Variants in GLB1 observed in about 807,000 individuals in gnomAD.
The protein encoded by GLB1 is beta-galactosidase.
GLB1 carries 56 observed loss-of-function variants against 74.0 expected under a neutral mutation model. The observed-to-expected ratio is 0.76, with a 90% CI of 0.61 to 0.94. The LOEUF is 0.94. Among genes scored for constraint, GLB1 ranks in the 40% least tolerant of loss-of-function variants. The pLI is 0.00. For synonymous variants in GLB1, 323 were observed against 323.6 expected, an observed-to-expected ratio of 1.00 and a Z score of 0.02; for missense variants, 787 against 845.5, an observed-to-expected ratio of 0.93 and a Z score of 0.86.
intron 1 of GLB1, among the ~76,000 whole-genome samples, chr3:33,075,185 T>C (rs1446539688): frequency 2.0e-5 from 3 of 152,152 alleles, no homozygotes; most frequent in African/African-American, 7.2e-5. Context: ...TGGCTAAGTG[T>C]CAAATAAGTG....
intron 5 of GLB1, among the ~76,000 whole-genome samples, chr3:33,064,589 C>A (rs1268639561): frequency 6.6e-6 from 1 of 151,638 alleles, no homozygotes; most frequent in Non-Finnish European, 1.5e-5. Flanking sequence ...CCAGCCTGGC[C>A]AACATGGCGA....
chr3:33,014,473 A>C (rs1426403489), intron 14 of GLB1, among the ~76,000 whole-genome samples, 163 bp from the exon 15 acceptor site: 1 of 152,224 alleles, frequency 6.6e-6, no homozygotes, highest in African/African-American at 2.4e-5. Context: ...ATCTAACTGG[A>C]GGTTGAATTA....
chr3:33,017,070 C>T (rs889279639), intron 13 of GLB1, among the ~76,000 whole-genome samples: 4 of 152,208 alleles, frequency 2.6e-5, no homozygotes, highest in African/African-American at 7.2e-5. Flanking sequence ...GAGCATGGAA[C>T]GGTCTAAGCT....
the GLB1 span, among the ~76,000 whole-genome samples, chr3:32,973,927 G>A: frequency 6.6e-6 from 1 of 152,166 alleles, no homozygotes; most frequent in African/African-American, 2.4e-5. Flanking sequence ...AGCAGCAGCT[G>A]CCAGGAGCTC....
intron 5 of GLB1, among the ~76,000 whole-genome samples, chr3:33,062,922 GC>G (rs1314123843): frequency 1.3e-5 from 2 of 152,320 alleles, no homozygotes; most frequent in East Asian, 3.9e-4. Context: ...TGCATGATGT[GC>G]CCTCATGGCT....
At chr3:33,049,661 G>A (rs780304831) in intron 9 of GLB1, among the ~76,000 whole-genome samples, 1 of 151,860 alleles carries the variant, frequency 6.6e-6, no homozygotes, top group East Asian at 1.9e-4. Flanking sequence ...CGTGATCCAC[G>A]CACCTCAGCC....
intron 10 of GLB1, chr3:33,034,133 G>A (rs1698172807): frequency 4.8e-6 from 3 of 621,548 alleles, no homozygotes; most frequent in Admixed American, 4.2e-5. Context: ...AGAGGAAAAC[G>A]GCACCTGGGA....
intron 1 of GLB1, among the ~76,000 whole-genome samples, chr3:33,086,012 A>G (rs1340697415): frequency 6.6e-6 from 1 of 152,024 alleles, no homozygotes; most frequent in Non-Finnish European, 1.5e-5. Flanking sequence ...CAGGAAATTG[A>G]GAGTGCAGTG....
intron 15 of GLB1, among the ~76,000 whole-genome samples, chr3:33,003,469 T>A (rs937983507): frequency 2.3e-4 from 35 of 152,360 alleles, no homozygotes; most frequent in African/African-American, 8.2e-4. Flanking sequence ...TTTACAAAAG[T>A]TCTAACAAGT....
At chr3:33,031,496 T>C (rs1397504908) in intron 10 of GLB1, among the ~76,000 whole-genome samples, 1 of 149,412 alleles carries the variant, frequency 6.7e-6, no homozygotes, top group Non-Finnish European at 1.5e-5. Flanking sequence ...ATACAAAAAT[T>C]AGCCACGTGC....
At chr3:33,095,904 C>A (rs1701005180) in intron 1 of GLB1, among the ~76,000 whole-genome samples, 1 of 152,216 alleles carries the variant, frequency 6.6e-6, no homozygotes, top group South Asian at 2.1e-4. Context: ...AGGGGAACCA[C>A]AGACGGGGTG....
Position 33,093,139 on chromosome 3 carries a change from T to C in GLB1, c.75+3872A>G. 6.2e-7 allele frequency: 1 copy of C among 1,614,174 alleles called. No individual in the cohort carries two copies. The highest frequency in any genetic ancestry group is 8.5e-7 in the Non-Finnish European group (1 of 1,180,022). On this transcript the variant is annotated intron_variant, in intron 1 of 15. Coordinates refer to ENST00000307363, the MANE Select transcript of GLB1 (RefSeq NM_000404.4). This position sits in a 1 kb window ranked among gnomAD's most constrained non-coding sequence, Gnocchi z 6.0. ...TCTGGGCTGCAGCCCTCCAGGGCCTTGTCAAGATCCATGCCATGGCCAGAG... is the reference window on the plus strand; with the variant it reads ...TCTGGGCTGCAGCCCTCCAGGGCCTCGTCAAGATCCATGCCATGGCCAGAG...
At chr3:33,007,029 G>C (rs1291573452) in intron 15 of GLB1, among the ~76,000 whole-genome samples, 2 of 152,182 alleles carry the variant, frequency 1.3e-5, no homozygotes, top group Non-Finnish European at 1.5e-5. Flanking sequence ...GGATCTGCCT[G>C]TTCTGAGGTG....
At chr3:33,061,219 T>C (rs890433261) in intron 5 of GLB1, among the ~76,000 whole-genome samples, 5 of 152,128 alleles carry the variant, frequency 3.3e-5, no homozygotes, top group Non-Finnish European at 7.3e-5. Flanking sequence ...GAAACCAGCC[T>C]GGCCAACATG....
At chr3:33,090,188 T>C (rs1700687433) in intron 1 of GLB1, among the ~76,000 whole-genome samples, 2 of 152,330 alleles carry the variant, frequency 1.3e-5, no homozygotes, top group African/African-American at 4.8e-5. Context: ...ACTATAGCTA[T>C]GCTTTTTGAA....
chr3:33,072,613 C>G lies in GLB1; in HGVS notation c.176G>C (p.Arg59Pro). The change falls in exon 2 of 16, where the codon CGT becomes CCT. Residue 59 changes from arginine to proline, a missense_variant. By Grantham distance (103) the Arg-to-Pro change is moderately radical (BLOSUM62 -2). Transcript: ENST00000307363. ...RYISGSIHYS[R>P]VPRFYWKDRL... ...GTCCTTCCAGTAGAAGCGGGGCACA[C>G]GGGAGTAGTGAATGCTTCCTGAGAT... is the stretch of plus-strand genomic sequence containing the variant. 2 of 1,614,078 alleles carry G rather than the reference C, an allele frequency of 1.2e-6. No individual in the cohort carries two copies. The highest frequency in any genetic ancestry group is 1.7e-6 in the Non-Finnish European group (2 of 1,180,030).
At chr3:32,990,243 C>T in the GLB1 span, among the ~76,000 whole-genome samples, 1 of 152,168 alleles carries the variant, frequency 6.6e-6, no homozygotes, top group African/African-American at 2.4e-5. Context: ...TTTTCTCCTT[C>T]TTCTCTTATT....
chr3:33,065,190 T>A (rs542309184), intron 5 of GLB1, among the ~76,000 whole-genome samples: 1 of 152,198 alleles, frequency 6.6e-6, no homozygotes, highest in Non-Finnish European at 1.5e-5. Flanking sequence ...GCCAAGTCAC[T>A]TAACCTTTTC....
At chr3:32,964,919 T>C in the GLB1 span, among the ~76,000 whole-genome samples, 3 of 152,304 alleles carry the variant, frequency 2.0e-5, no homozygotes, top group South Asian at 4.2e-4. Context: ...ATAAGTCTCA[T>C]GAGATCTGAT....
Sources: gnomAD v4.1 joint callset for allele counts (sites outside exome capture counted in the v4.1 genomes callset) on GRCh38, gnomAD v4.1.1 for gene constraint, Gnocchi (gnomAD v3.1) non-coding constraint, MANE v1.5 for transcripts, NCBI Gene and HGNC (gene_info 2026-07-23, HGNC 2026-07-21) for gene names.